RAB7B: variants seen among roughly 807,000 people sequenced by gnomAD.
The protein encoded by RAB7B is ras-related protein Rab-7b.
intron 1 of RAB7B, among the ~76,000 whole-genome samples, chr1:205,998,084 C>T (rs1407340220): frequency 1.3e-5 from 2 of 152,084 alleles, no homozygotes; most frequent in South Asian, 2.1e-4. Flanking sequence ...GGCTGGGTGC[C>T]GTGTCTCAAG....
At chr1:205,987,516 T>C (rs1660632309) in intron 4 of RAB7B, among the ~76,000 whole-genome samples, 1 of 152,226 alleles carries the variant, frequency 6.6e-6, no homozygotes, top group Non-Finnish European at 1.5e-5. Flanking sequence ...GCTTTTAAAA[T>C]AATCAATTAT....
chr1:205,999,122 C>T (rs1382374995), intron 1 of RAB7B, among the ~76,000 whole-genome samples: 2 of 152,282 alleles, frequency 1.3e-5, no homozygotes, highest in East Asian at 3.9e-4. Flanking sequence ...CTCCATAGTG[C>T]CCCTGTTAGA....
chr1:205,978,808 G>A lies in RAB7B; in HGVS notation c.*43C>T. ...CTCAAGCCTGGGGTGACCAGGCTCGGGGCAGGCTCTGTTTCTGGGCTTCCA... is the reference window on the plus strand; with the variant it reads ...CTCAAGCCTGGGGTGACCAGGCTCGAGGCAGGCTCTGTTTCTGGGCTTCCA... On this transcript the variant is annotated 3_prime_UTR_variant, in exon 6 of 6. Coordinates refer to ENST00000617070, the MANE Select transcript of RAB7B (RefSeq NM_001164522.3). 2.5e-6 allele frequency: 1 copy of A among 398,656 alleles called. No individual in the cohort carries two copies. The allele number at this position is 398,656 out of a possible 1,614,324, so 24.7% of individuals were successfully genotyped here.
At chr1:205,979,879 CA>C (rs1388182627) in intron 5 of RAB7B, among the ~76,000 whole-genome samples, 1 of 152,304 alleles carries the variant, frequency 6.6e-6, no homozygotes, top group Non-Finnish European at 1.5e-5. Flanking sequence ...CTTCCAGGGA[CA>C]GGGGTGCTGC....
At chr1:205,989,412 C>T (rs1660678556) in intron 4 of RAB7B, among the ~76,000 whole-genome samples, 1 of 152,092 alleles carries the variant, frequency 6.6e-6, no homozygotes, top group Admixed American at 6.5e-5. Context: ...GAGTCACCAC[C>T]CGCCCTCCTC....
intron 1 of RAB7B, among the ~76,000 whole-genome samples, chr1:206,001,908 C>G (rs1433553514): frequency 1.3e-5 from 2 of 152,178 alleles, no homozygotes; most frequent in African/African-American, 4.8e-5. Context: ...CCCGCTGGCT[C>G]CAACCTGAAA....
In RAB7B at chr1:205,992,567, C is replaced by T; in HGVS notation, c.309G>A (p.Arg103=). 2.5e-6 allele frequency: 1 copy of T among 398,738 alleles called. No individual in the cohort carries two copies. The highest frequency in any genetic ancestry group is 4.4e-6 in the Non-Finnish European group (1 of 226,128). The allele number at this position is 398,738 out of a possible 1,614,324, so 24.7% of individuals were successfully genotyped here. A position where few individuals can be genotyped will look rare whatever the true frequency, so the allele number is the denominator to read the frequency against. ...LESFEALDIW[R]GDVLAKIVPM... is the part of the protein sequence containing the mutation. The stretch of plus-strand genomic sequence containing the variant: ...GGACAATCTTGGCCAGGACATCACC[C>T]CGCCAGATATCCAGGGCTTCAAAAG... Residue 103 remains arginine (R), a synonymous_variant, in exon 4 of 6, where the codon CGG becomes CGA. Coordinates refer to ENST00000617070, the MANE Select transcript of RAB7B (RefSeq NM_001164522.3).
At chr1:205,988,745 C>T (rs1354566719) in intron 4 of RAB7B, among the ~76,000 whole-genome samples, 3 of 152,146 alleles carry the variant, frequency 2.0e-5, no homozygotes, top group African/African-American at 7.2e-5. Flanking sequence ...GTCCAGGCTG[C>T]GGAGGCACAT....
chr1:205,983,874 T>G (rs1032063800), intron 5 of RAB7B: 14 of 152,148 alleles, frequency 9.2e-5, no homozygotes, highest in Non-Finnish European at 1.8e-4. Flanking sequence ...TTAACCACAA[T>G]ATAGTAGGAA....
At position 206,002,995 on chromosome 1, in the gene RAB7B, G is replaced by A. The variant is rs888464053; in HGVS notation, c.-17+258C>T. ...CTCTCCTGACTGGGCCAGCAGCTGC[G>A]TCCTGGGACTGATGGCCTTTGTGGG... On this transcript the variant is annotated intron_variant, in intron 1 of 5. Transcript: ENST00000617070. Among the ~76,000 whole-genome samples, 7 of 152,330 alleles carry A rather than the reference G, an allele frequency of 4.6e-5. No individual in the cohort carries two copies. The South Asian group carries it at 1.2e-3, about 27-fold the overall frequency.
intron 5 of RAB7B, among the ~76,000 whole-genome samples, chr1:205,979,603 A>C (rs1660449961): frequency 6.6e-6 from 1 of 152,138 alleles, no homozygotes; most frequent in South Asian, 2.1e-4. Flanking sequence ...TTCTTTAAGC[A>C]GATGGGTTCC....
At chr1:205,987,554 G>A (rs1370494110) in intron 4 of RAB7B, among the ~76,000 whole-genome samples, 1 of 152,124 alleles carries the variant, frequency 6.6e-6, no homozygotes, top group African/African-American at 2.4e-5. Context: ...TATTACTAAC[G>A]TTAATTACTA....
At chr1:205,989,340 C>T (rs1660677168) in intron 4 of RAB7B, among the ~76,000 whole-genome samples, 1 of 152,100 alleles carries the variant, frequency 6.6e-6, no homozygotes, top group South Asian at 2.1e-4. Flanking sequence ...TTTGTTCTTC[C>T]TCTCTCTGGA....
At position 205,997,972 on chromosome 1, in the gene RAB7B, A is replaced by G. The variant is rs971828051; in HGVS notation, c.-16-3821T>C. ...CATCTTCACTATTACCCTCTGAGAC[A>G]AGTACAACCAAGCTCCAAGAAGCTG... On this transcript the variant is annotated intron_variant, in intron 1 of 5. Coordinates refer to ENST00000617070, the MANE Select transcript of RAB7B (RefSeq NM_001164522.3). 3.6e-4 allele frequency among the ~76,000 whole-genome samples: 55 copies of G among 152,318 alleles called. No individual in the cohort carries two copies. In the Middle Eastern group the frequency reaches 0.01, roughly 28 times the overall value.
At chr1:205,980,736 T>G (rs1285874533) in intron 5 of RAB7B, among the ~76,000 whole-genome samples, 1 of 152,300 alleles carries the variant, frequency 6.6e-6, no homozygotes, top group East Asian at 1.9e-4. Context: ...GAACTGGGCC[T>G]CTAGGCAATA....
chr1:205,978,167 C>T lies in RAB7B; in HGVS notation c.*684G>A. 6.6e-6 allele frequency: 1 copy of T among 152,312 alleles called. No homozygotes were observed. The highest frequency in any genetic ancestry group is 1.9e-4 in the East Asian group (1 of 5,184). 9.4% of individuals were successfully genotyped at this position (152,312 alleles called of 1,614,324 possible). A position where few individuals can be genotyped will look rare whatever the true frequency, so the allele number is the denominator to read the frequency against. ...GATACAGGGGGCAAGGCACATCTCA[C>T]CCCCACAGGACAGATAAACAAATTG... is the stretch of plus-strand genomic sequence containing the variant. On this transcript the variant is annotated 3_prime_UTR_variant, in exon 6 of 6. Coordinates refer to ENST00000617070, the MANE Select transcript of RAB7B (RefSeq NM_001164522.3).
intron 4 of RAB7B, among the ~76,000 whole-genome samples, chr1:205,990,791 C>CCTT (rs1553275455): frequency 7.2e-6 from 1 of 138,646 alleles, no homozygotes; most frequent in African/African-American, 2.7e-5. Flanking sequence ...TTCTTTCTTT[C>CCTT]TTTTTTTTTT....
Position 206,003,302 on chromosome 1 carries a change from C to T in RAB7B, c.-66G>A, listed in dbSNP as rs1660918448. 1 of 152,270 alleles carries T rather than the reference C, an allele frequency of 6.6e-6. No homozygotes were observed. The highest frequency in any genetic ancestry group is 6.5e-5 in the Admixed American group (1 of 15,286). 9.4% of individuals were successfully genotyped at this position (152,270 alleles called of 1,614,324 possible). A position where few individuals can be genotyped will look rare whatever the true frequency, so the allele number is the denominator to read the frequency against. On this transcript the variant is annotated 5_prime_UTR_variant, in exon 1 of 6. Transcript: ENST00000617070. ...CTCCGCTCTGAGGGCAGCTGGGAGTCCTCTCTCAGTCTGGTGGTCTCTTCT... is the reference window on the plus strand; with the variant it reads ...CTCCGCTCTGAGGGCAGCTGGGAGTTCTCTCTCAGTCTGGTGGTCTCTTCT...
intron 1 of RAB7B, among the ~76,000 whole-genome samples, chr1:206,002,964 G>A (rs1284241980): frequency 1.3e-5 from 2 of 152,206 alleles, no homozygotes; most frequent in Non-Finnish European, 2.9e-5. Flanking sequence ...AGGCAGCAGC[G>A]CCATCCTCTC....
Sources: allele counts gnomAD v4.1 joint callset (sites outside exome capture counted in the v4.1 genomes callset), GRCh38; gene constraint gnomAD v4.1.1; transcripts MANE v1.5; gene names NCBI Gene and HGNC (gene_info 2026-07-23, HGNC 2026-07-21).